THSD7B: variants seen among roughly 807,000 people sequenced by gnomAD.
The protein encoded by THSD7B is thrombospondin type-1 domain-containing protein 7B.
THSD7B carries 138 observed loss-of-function variants against 213.6 expected under a neutral mutation model. That is an observed-to-expected ratio of 0.65 (90% confidence interval 0.56 to 0.74). The LOEUF is 0.74. Ranked by LOEUF, THSD7B falls within the 30% of genes least tolerant of loss-of-function variation. THSD7B has a pLI of 0.00. For synonymous variants in THSD7B, 742 were observed against 687.0 expected (o/e 1.08, Z -1.25); for missense variants, 1,931 against 1,991.5 (o/e 0.97, Z 0.58).
At chr2:136,816,913 T>A (rs1163445522) in intron 1 of THSD7B, among the ~76,000 whole-genome samples, 1 of 152,182 alleles carries the variant, frequency 6.6e-6, no homozygotes, top group African/African-American at 2.4e-5. Context: ...AAACAGTCAT[T>A]TTTGGTAAAT....
At chr2:136,774,156 A>G (rs1681559967) in intron 1 of THSD7B, among the ~76,000 whole-genome samples, 1 of 152,022 alleles carries the variant, frequency 6.6e-6, no homozygotes, top group Non-Finnish European at 1.5e-5. Flanking sequence ...GTTAGTGTGT[A>G]TGTGTAGCCT....
At chr2:137,635,430 A>G (rs1353465425) in intron 20 of THSD7B, among the ~76,000 whole-genome samples, 1 of 152,224 alleles carries the variant, frequency 6.6e-6, no homozygotes, top group Non-Finnish European at 1.5e-5. Flanking sequence ...GAGGATATGT[A>G]TGGCAGCAAG....
chr2:136,972,524 A>C (rs1487975090), intron 2 of THSD7B, among the ~76,000 whole-genome samples: 2 of 152,218 alleles, frequency 1.3e-5, no homozygotes, highest in African/African-American at 2.4e-5. Flanking sequence ...CACAAATATT[A>C]AGCCTATTTT....
At chr2:136,854,153 T>C (rs1463423746) in intron 1 of THSD7B, among the ~76,000 whole-genome samples, 4 of 152,006 alleles carry the variant, frequency 2.6e-5, no homozygotes, top group Admixed American at 2.0e-4. Flanking sequence ...ATGTCATTGC[T>C]TCTAGGCCCT....
intron 2 of THSD7B, among the ~76,000 whole-genome samples, chr2:136,981,194 A>C (rs1052967117): frequency 2.0e-5 from 3 of 152,214 alleles, no homozygotes; most frequent in Non-Finnish European, 4.4e-5. Context: ...ATGAAAGTTC[A>C]TTTGAATGGA....
At chr2:137,639,639 A>T (rs1283605737) in intron 20 of THSD7B, among the ~76,000 whole-genome samples, 1 of 152,130 alleles carries the variant, frequency 6.6e-6, no homozygotes, top group Non-Finnish European at 1.5e-5. Context: ...GGCAAGAGGG[A>T]GGCTGTGCCC....
intron 12 of THSD7B, among the ~76,000 whole-genome samples, chr2:137,362,922 A>G (rs184823326): frequency 6.6e-6 from 1 of 152,332 alleles, no homozygotes; most frequent in Admixed American, 6.5e-5. Context: ...CCTCAAATCA[A>G]CAGAATACAC....
chr2:137,003,840 C>A (rs1200795635), intron 2 of THSD7B, among the ~76,000 whole-genome samples: 1 of 152,160 alleles, frequency 6.6e-6, no homozygotes, highest in Non-Finnish European at 1.5e-5. Flanking sequence ...AAGTAACAAG[C>A]CCATAATTAA....
chr2:137,432,474 C>T (rs1002019120), intron 14 of THSD7B, among the ~76,000 whole-genome samples: 2 of 152,194 alleles, frequency 1.3e-5, no homozygotes, highest in South Asian at 2.1e-4. Flanking sequence ...AATGCTTCCT[C>T]CACTTATAAA....
At chr2:136,843,394 C>T (rs1421087575) in intron 1 of THSD7B, among the ~76,000 whole-genome samples, 2 of 152,086 alleles carry the variant, frequency 1.3e-5, no homozygotes, top group African/African-American at 2.4e-5. Flanking sequence ...GAATCGTATT[C>T]GTGAATGTCC....
chr2:137,626,463 CAA>C (rs34778966), intron 20 of THSD7B, among the ~76,000 whole-genome samples: 69 of 93,608 alleles, frequency 7.4e-4, no homozygotes, highest in African/African-American at 1.7e-3. Flanking sequence ...GACTCTGTCT[CAA>C]AAAAAAAAAA....
chr2:137,102,493 C>T (rs1688170087), intron 4 of THSD7B, among the ~76,000 whole-genome samples: 1 of 152,174 alleles, frequency 6.6e-6, no homozygotes, highest in Non-Finnish European at 1.5e-5. Flanking sequence ...TCCAACGGAT[C>T]ACAACTCCTC....
chr2:137,353,520 C>T (rs1447972285), intron 12 of THSD7B, among the ~76,000 whole-genome samples: 2 of 152,008 alleles, frequency 1.3e-5, no homozygotes, highest in African/African-American at 4.8e-5. Flanking sequence ...ATATCCTGGA[C>T]ATGGCATGGA....
chr2:137,612,508 C>T (rs1682307436), intron 17 of THSD7B, among the ~76,000 whole-genome samples: 1 of 152,148 alleles, frequency 6.6e-6, no homozygotes, highest in South Asian at 2.1e-4. Context: ...AACTCAGTAA[C>T]ATGGTCACTT....
intron 1 of THSD7B, among the ~76,000 whole-genome samples, chr2:136,874,093 C>T (rs1683487321): frequency 1.3e-5 from 2 of 152,136 alleles, no homozygotes; most frequent in Admixed American, 1.3e-4. Flanking sequence ...GAACCTACAT[C>T]AGGCTATAAA....
chr2:137,512,197 G>T (rs1293544097), intron 15 of THSD7B: 1 of 151,994 alleles, frequency 6.6e-6, no homozygotes. Context: ...TGTATTCAGG[G>T]TGATATGGCC....
At chr2:137,611,520 G>T (rs1682289040) in intron 17 of THSD7B, among the ~76,000 whole-genome samples, 1 of 152,082 alleles carries the variant, frequency 6.6e-6, no homozygotes, top group Non-Finnish European at 1.5e-5. Flanking sequence ...ACCTTATAAG[G>T]CAGTTATAAG....
chr2:137,402,281 T>C (rs1212287123), intron 12 of THSD7B, among the ~76,000 whole-genome samples: 2 of 152,166 alleles, frequency 1.3e-5, no homozygotes, highest in Admixed American at 1.3e-4. Flanking sequence ...ACCGTTTGAC[T>C]ACAATATGTG....
chr2:136,862,795 A>G (rs1191373692), intron 1 of THSD7B, among the ~76,000 whole-genome samples: 1 of 152,232 alleles, frequency 6.6e-6, no homozygotes, highest in African/African-American at 2.4e-5. Flanking sequence ...AGCAGACTAC[A>G]AAACTTAGCC....
Sources: allele counts gnomAD v4.1 joint callset (sites outside exome capture counted in the v4.1 genomes callset), GRCh38; gene constraint gnomAD v4.1.1; transcripts MANE v1.5; gene names NCBI Gene and HGNC (gene_info 2026-07-23, HGNC 2026-07-21).